Variants in NTNG2 observed in about 807,000 individuals in gnomAD.
NTNG2 encodes netrin G2, also known as netrin-G2.
NTNG2 carries 15 observed loss-of-function variants against 47.6 expected under a neutral mutation model. The observed-to-expected ratio is 0.32, with a 90% CI of 0.21 to 0.49. The LOEUF (loss-of-function observed/expected upper bound fraction) is 0.49. Among genes scored for constraint, NTNG2 ranks in the 20% least tolerant of loss-of-function variants. The pLI is 0.99. For synonymous variants in NTNG2, 307 were observed against 324.6 expected, an observed-to-expected ratio of 0.95 and a Z score of 0.58; for missense variants, 578 against 764.6, an observed-to-expected ratio of 0.76 and a Z score of 2.88.
intron 2 of NTNG2, among the ~76,000 whole-genome samples, chr9:132,170,033 G>A (rs1239270655): frequency 6.6e-6 from 1 of 152,190 alleles, no homozygotes; most frequent in South Asian, 2.1e-4. Flanking sequence ...CCTTGCCATC[G>A]CCCATGGGTC....
In NTNG2 at chr9:132,189,068, CTT is replaced by C. The variant is rs749756559; in HGVS notation, c.214-8872_214-8871del. Among the ~76,000 whole-genome samples the C allele has an allele frequency of 6.9e-4, 64 of 93,278 alleles. 10 individuals carry two copies. The highest frequency in any genetic ancestry group is 8.9e-4 in the Non-Finnish European group (43 of 48,534). 61.2% of individuals were successfully genotyped at this position (93,278 alleles called of 152,430 possible). Reference sequence around the variant, plus strand: ...TATGTGAAAAAGGCTTTAAGCCTTTCTTTTTTTTTTTTTTTTTTTTTTTTTTT... The same window carrying C: ...TATGTGAAAAAGGCTTTAAGCCTTTCTTTTTTTTTTTTTTTTTTTTTTTTT... On this transcript the variant is annotated intron_variant, in intron 2 of 7. Coordinates refer to ENST00000393229, the MANE Select transcript of NTNG2 (RefSeq NM_032536.4).
intron 2 of NTNG2, among the ~76,000 whole-genome samples, chr9:132,174,793 G>A (rs12002429): frequency 0.011 from 1,692 of 151,918 alleles, 30 homozygotes; most frequent in African/African-American, 0.038. Flanking sequence ...GTGGTGGCGC[G>A]CGCCTGTAAT....
At chr9:132,235,859 C>T (rs1841585988) in intron 5 of NTNG2, among the ~76,000 whole-genome samples, 1 of 152,180 alleles carries the variant, frequency 6.6e-6, no homozygotes, top group Admixed American at 6.5e-5. Flanking sequence ...CAGGAACCAA[C>T]TGAGGGCACG....
chr9:132,174,748 C>T (rs777834607), intron 2 of NTNG2, among the ~76,000 whole-genome samples: 29 of 151,960 alleles, frequency 1.9e-4, no homozygotes, highest in Middle Eastern at 6.8e-3. Flanking sequence ...ATGGGGAAAC[C>T]CCGTCTCTAC....
chr9:132,177,832 A>G (rs1392163429), intron 2 of NTNG2, among the ~76,000 whole-genome samples: 1 of 151,876 alleles, frequency 6.6e-6, no homozygotes, highest in African/African-American at 2.4e-5. Context: ...TAATTTTTGT[A>G]TTTTTAGTAG....
At chr9:132,212,501 T>C (rs896625102) in intron 3 of NTNG2, among the ~76,000 whole-genome samples, 2 of 152,286 alleles carry the variant, frequency 1.3e-5, no homozygotes, top group East Asian at 3.9e-4. Context: ...GCCGGCCTGA[T>C]TGCGTTCCAG....
In NTNG2 at chr9:132,162,569, A is replaced by AGAGTGT. The variant is rs1247026951; in HGVS notation, c.-484+331_-484+332insAGTGTG. On this transcript the variant is annotated intron_variant, in intron 1 of 7. Transcript: ENST00000393229. The surrounding 1 kb of genome is among the most constrained non-coding windows in gnomAD (Gnocchi z 4.6). ...GTGTGTGTGTGTGAGAGAGAGACAG[A>AGAGTGT]GTGTGTGTGTGTGTGTGTGTGTGTG... Among the ~76,000 whole-genome samples, 73 of 112,468 alleles carry AGAGTGT rather than the reference A, an allele frequency of 6.5e-4. No individual in the cohort carries two copies. In the East Asian group the frequency reaches 0.014, roughly 22 times the overall value. The allele number at this position is 112,468 out of a possible 152,430, so 73.8% of individuals were successfully genotyped here.
chr9:132,222,370 A>T (rs1840408774), intron 3 of NTNG2, among the ~76,000 whole-genome samples: 1 of 152,240 alleles, frequency 6.6e-6, no homozygotes, highest in South Asian at 2.1e-4. Flanking sequence ...AGCTAAGCAC[A>T]TAGCAGTCCT....
intron 2 of NTNG2, among the ~76,000 whole-genome samples, chr9:132,183,361 A>C (rs961403819): frequency 1.3e-5 from 2 of 151,992 alleles, no homozygotes; most frequent in African/African-American, 4.8e-5. Flanking sequence ...GCTCCCCACC[A>C]AGCTCCTGGC....
chr9:132,230,243 G>A (rs922935863), intron 4 of NTNG2, among the ~76,000 whole-genome samples: 7 of 152,370 alleles, frequency 4.6e-5, no homozygotes, highest in African/African-American at 9.6e-5. Flanking sequence ...GGAGGAGTGC[G>A]TGTGAAGCTC....
intron 2 of NTNG2, among the ~76,000 whole-genome samples, chr9:132,181,960 C>CTGTGTGTG (rs150723669): frequency 6.6e-6 from 1 of 151,610 alleles, no homozygotes; most frequent in African/African-American, 2.4e-5. Context: ...CGGCTGTCAT[C>CTGTGTGTG]TGTGTGTGTG....
chr9:132,177,225 G>A (rs906398604), intron 2 of NTNG2, among the ~76,000 whole-genome samples: 2 of 152,256 alleles, frequency 1.3e-5, no homozygotes, highest in African/African-American at 4.8e-5. Flanking sequence ...GGCCTCAAAC[G>A]ATCTGCCCGC....
intron 3 of NTNG2, among the ~76,000 whole-genome samples, chr9:132,220,461 CTTT>C (rs201197800): frequency 8.0e-5 from 11 of 137,470 alleles, no homozygotes; most frequent in Admixed American, 7.3e-5. Flanking sequence ...TTTCCTTCTT[CTTT>C]TTTTTTTTTT....
At chr9:132,171,803 C>G (rs140174486) in intron 2 of NTNG2, among the ~76,000 whole-genome samples, 26 of 152,328 alleles carry the variant, frequency 1.7e-4, no homozygotes, top group South Asian at 8.3e-4. Context: ...TGAAATGTTT[C>G]CATCCAACAA....
At chr9:132,233,997 G>A (rs1841436005) in intron 5 of NTNG2, 1 of 151,886 alleles carries the variant, frequency 6.6e-6, no homozygotes. Flanking sequence ...ATTGTCCTGA[G>A]GCCTCCAGGG....
chr9:132,237,433 C>G (rs116457503), intron 5 of NTNG2, among the ~76,000 whole-genome samples: 142 of 152,328 alleles, frequency 9.3e-4, no homozygotes, highest in African/African-American at 3.4e-3. Flanking sequence ...GTGGGCACCC[C>G]TGCCGCTGCC....
chr9:132,173,534 T>A (rs1299967182), intron 2 of NTNG2, among the ~76,000 whole-genome samples: 1 of 152,242 alleles, frequency 6.6e-6, no homozygotes, highest in Non-Finnish European at 1.5e-5. Context: ...GCTGTCTTCC[T>A]CTATGCTTCC....
chr9:132,192,815 G>A (rs533358170), intron 2 of NTNG2, among the ~76,000 whole-genome samples: 11 of 152,322 alleles, frequency 7.2e-5, no homozygotes, highest in African/African-American at 2.2e-4. Flanking sequence ...TGTGTTGGCC[G>A]CGGCTCGGGA....
At chr9:132,185,840 GGGAGGAGGAGGAGGAGTGGGA>G (rs999449298) in intron 2 of NTNG2, among the ~76,000 whole-genome samples, 4 of 112,016 alleles carry the variant, frequency 3.6e-5, no homozygotes, top group African/African-American at 1.9e-4. Context: ...GAGGAGGAGT[GGGAGGAGGAGGAGGAGTGGGA>G]GGAGGAGGAG....
Sources: allele counts gnomAD v4.1 joint callset (sites outside exome capture counted in the v4.1 genomes callset), GRCh38; gene constraint gnomAD v4.1.1; non-coding constraint Gnocchi (gnomAD v3.1); transcripts MANE v1.5; gene names NCBI Gene and HGNC (gene_info 2026-07-23, HGNC 2026-07-21).